Variants in PDXDC1 observed in about 807,000 individuals in gnomAD.
PDXDC1 encodes pyridoxal dependent decarboxylase domain containing 1, also known as pyridoxal-dependent decarboxylase domain-containing protein 1.
Under a neutral mutation model 100.1 loss-of-function variants are expected in PDXDC1, and 42 were observed. The ratio of observed to expected loss-of-function variants is 0.42; its 90% CI spans 0.33 to 0.54. The LOEUF (loss-of-function observed/expected upper bound fraction) is 0.54, where lower values mean the gene tolerates loss of function less well. PDXDC1 is among the 20% of genes least tolerant of loss of function. The pLI, the probability that PDXDC1 is intolerant of heterozygous loss-of-function variation, is 0.10. For synonymous variants in PDXDC1, 260 were observed against 371.7 expected (o/e 0.70, Z 3.46); for missense variants, 636 against 979.2 (o/e 0.65, Z 4.68).
chr16:15,021,249 C>T (rs1286689493), intron 12 of PDXDC1, among the ~76,000 whole-genome samples: 1 of 152,244 alleles, frequency 6.6e-6, no homozygotes, highest in African/African-American at 2.4e-5. Context: ...TAGTGGCACA[C>T]ACCTGTGATC....
intron 15 of PDXDC1, 200 bp downstream of exon 15, chr16:15,029,166 T>C (rs1368782538): frequency 1.5e-6 from 1 of 659,398 alleles, no homozygotes; most frequent in Admixed American, 2.3e-5. Flanking sequence ...CAAGTCCTTC[T>C]GGCATTGCTC....
At chr16:15,056,021 T>G (rs1382313033) in intron 16 of PDXDC1, 5 of 989,664 alleles carry the variant, frequency 5.1e-6, no homozygotes, top group Admixed American at 9.6e-5. Context: ...GCCCCCCGCT[T>G]TGCAGCCCCG....
intron 8 of PDXDC1, among the ~76,000 whole-genome samples, chr16:15,011,569 C>T (rs1276169398): frequency 6.6e-6 from 1 of 151,888 alleles, no homozygotes; most frequent in African/African-American, 2.4e-5. Context: ...GTTTGAAAGC[C>T]CCTATTAAGA....
Position 15,036,176 on chromosome 16 carries a change from C to G in PDXDC1, c.2268C>G (p.Pro756=). The G allele has an allele frequency of 6.2e-7, 1 of 1,614,160 alleles. No individual in the cohort carries two copies. The highest frequency in any genetic ancestry group is 1.1e-5 in the South Asian group (1 of 91,086). Residue 756 remains proline (P), a synonymous_variant, in exon 23 of 23, where the codon CCC becomes CCG. Transcript: ENST00000396410. ...ASSTEGHPGA[P]SPQHTDQTEA... ...GCACTGAGGGACACCCAGGGGCTCC[C>G]AGCCCTCAGCACACCGACCAGACCG...
At chr16:15,141,414 C>G (rs1447528647), downstream of PDXDC1, among the ~76,000 whole-genome samples, 1 of 152,258 alleles carries the variant, frequency 6.6e-6, no homozygotes, top group Non-Finnish European at 1.5e-5. Context: ...GCTGGGCGCC[C>G]AGACAGATGA....
intron 16 of PDXDC1, chr16:15,047,974 C>A: frequency 6.2e-7 from 1 of 1,602,148 alleles, no homozygotes; most frequent in South Asian, 1.1e-5. Context: ...GGATAACGCC[C>A]AATTCACTGC....
chr16:15,028,686 G>A (rs2042817363), intron 14 of PDXDC1, among the ~76,000 whole-genome samples, 192 bp from the exon 15 acceptor site: 1 of 152,310 alleles, frequency 6.6e-6, no homozygotes, highest in South Asian at 2.1e-4. Context: ...TTATGTGAAT[G>A]TATTCAAGTG....
At chr16:15,150,365 A>ATAAG in the PDXDC1 span, among the ~76,000 whole-genome samples, 1 of 150,084 alleles carries the variant, frequency 6.7e-6, no homozygotes, top group African/African-American at 2.4e-5. Flanking sequence ...AAATAAATAA[A>ATAAG]TAAATAAATA....
chr16:15,074,600 A>G, intron 16 of PDXDC1: 1 of 653,664 alleles, frequency 1.5e-6, no homozygotes, highest in African/African-American at 1.9e-5. Flanking sequence ...ATCATCTTAA[A>G]CTCATACTCA....
chr16:15,130,295 G>C (rs1227296990), intron 16 of PDXDC1: 1 of 1,534,830 alleles, frequency 6.5e-7, no homozygotes, highest in Non-Finnish European at 8.8e-7. Context: ...GGCGGGGCGA[G>C]GTCTCCTCCA....
rs775378169 is a variant in PDXDC1 at position 15,008,821 on chromosome 16, A to G, written c.622A>G (p.Thr208Ala). The change falls in exon 7 of 23, where the codon ACT (threonine) becomes GCT (alanine). Residue 208 changes from threonine (T) to alanine (A), a missense_variant. Transcript: ENST00000396410. Reference sequence around the variant, plus strand: ...CTGCTTGTGCCGTGTACCCTGTAACACTGTGTTTGGATCCCAGCATCAGAT... The same window carrying G: ...CTGCTTGTGCCGTGTACCCTGTAACGCTGTGTTTGGATCCCAGCATCAGAT... ...FPCLCRVPCN[T>A]VFGSQHQMDV... The G allele has an allele frequency of 6.2e-7, 1 of 1,613,784 alleles. No homozygotes were observed. Among genetic ancestry groups the G allele is most frequent in the African/African-American group, 1.3e-5 (1 of 74,940 alleles).
chr16:15,014,177 G>A (rs1330214706), intron 8 of PDXDC1, among the ~76,000 whole-genome samples: 29 of 151,492 alleles, frequency 1.9e-4, no homozygotes, highest in African/African-American at 6.0e-4. Flanking sequence ...GCTGCACTCC[G>A]GCCTGGGCAA....
At chr16:15,020,981 C>CAG (rs2042156951) in intron 12 of PDXDC1, among the ~76,000 whole-genome samples, 1 of 145,754 alleles carries the variant, frequency 6.9e-6, no homozygotes, top group African/African-American at 2.5e-5. Flanking sequence ...TCTAAACACA[C>CAG]ACACACACAC....
intron 14 of PDXDC1, among the ~76,000 whole-genome samples, chr16:15,027,186 A>G (rs1328446991): frequency 6.6e-6 from 1 of 152,292 alleles, no homozygotes; most frequent in Non-Finnish European, 1.5e-5. Context: ...AGAGGGTTAT[A>G]AGTGGAAGTC....
chr16:15,024,112 G>A (rs1253144148), intron 13 of PDXDC1, among the ~76,000 whole-genome samples: 1 of 152,280 alleles, frequency 6.6e-6, no homozygotes, highest in African/African-American at 2.4e-5. Context: ...CAGTTGTTTT[G>A]GAGCATCTCT....
chr16:14,986,336 G>A (rs534985928), intron 1 of PDXDC1, among the ~76,000 whole-genome samples: 2 of 152,390 alleles, frequency 1.3e-5, no homozygotes, highest in African/African-American at 2.4e-5. Flanking sequence ...GGGCGTGATG[G>A]CGGGCACCTG....
chr16:15,001,517 G>A (rs973645832), intron 3 of PDXDC1, among the ~76,000 whole-genome samples: 2 of 152,216 alleles, frequency 1.3e-5, no homozygotes, highest in Non-Finnish European at 2.9e-5. Flanking sequence ...TAAAAAGACT[G>A]GTGACATTTA....
At chr16:14,992,653 A>G (rs565574305) in intron 1 of PDXDC1, among the ~76,000 whole-genome samples, 2 of 152,382 alleles carry the variant, frequency 1.3e-5, no homozygotes, top group East Asian at 3.9e-4. Context: ...GTCATGGCTA[A>G]ATGATTACCT....
intron 16 of PDXDC1, among the ~76,000 whole-genome samples, chr16:15,077,095 T>C (rs1036320557): frequency 6.6e-6 from 1 of 151,592 alleles, no homozygotes; most frequent in Non-Finnish European, 1.5e-5. Context: ...TTCTCCTGCC[T>C]CAGCCTCCCG....
Sources: allele counts gnomAD v4.1 joint callset (sites outside exome capture counted in the v4.1 genomes callset), GRCh38; gene constraint gnomAD v4.1.1; transcripts MANE v1.5; gene names NCBI Gene and HGNC (gene_info 2026-07-23, HGNC 2026-07-21).